Variants in SYT1 observed in about 807,000 individuals in gnomAD.
The protein encoded by SYT1 is synaptotagmin 1, also known as synaptotagmin-1.
SYT1 carries 8 observed loss-of-function variants against 44.8 expected under a neutral mutation model. That is an observed-to-expected ratio of 0.18 (90% confidence interval 0.10 to 0.32). SYT1 has a LOEUF of 0.32. Ranked by LOEUF, SYT1 falls within the 10% of genes least tolerant of loss-of-function variation. The probability of loss-of-function intolerance (pLI) is 1.00; values close to 1 mark genes in which losing one functional copy is unlikely to be tolerated. For synonymous variants in SYT1, 154 were observed against 188.8 expected, an observed-to-expected ratio of 0.82 and a Z score of 1.51; for missense variants, 286 against 509.3, an observed-to-expected ratio of 0.56 and a Z score of 4.22.
intron 3 of SYT1, among the ~76,000 whole-genome samples, chr12:79,155,363 T>A (rs1198168785): frequency 2.6e-5 from 4 of 152,206 alleles, no homozygotes; most frequent in African/African-American, 4.8e-5. Flanking sequence ...AGTTAAAAAT[T>A]CAGATGTTGG....
chr12:79,081,569 G>C (rs1176678608), intron 3 of SYT1, among the ~76,000 whole-genome samples: 1 of 151,776 alleles, frequency 6.6e-6, no homozygotes, highest in South Asian at 2.1e-4. Context: ...TAGTGGAGAC[G>C]GGTTTCATCA....
chr12:78,892,070 A>G lies in SYT1; in HGVS notation c.-217+26961A>G, dbSNP rs1474463661. On this transcript the variant is annotated intron_variant, in intron 1 of 10. Coordinates refer to ENST00000261205, the MANE Select transcript of SYT1 (RefSeq NM_005639.3). ...TCTTAATTCTTATGAATTGAGGGTC[A>G]AGTTATGTCTGGTTTTCCTTCCATA... 2.0e-5 allele frequency among the ~76,000 whole-genome samples: 3 copies of G among 151,890 alleles called. No individual in the cohort carries two copies. In the East Asian group the frequency reaches 5.8e-4, roughly 30 times the overall value.
chr12:78,893,435 C>A (rs992524333), intron 1 of SYT1, among the ~76,000 whole-genome samples: 1 of 151,676 alleles, frequency 6.6e-6, no homozygotes, highest in South Asian at 2.1e-4. Flanking sequence ...AGCCAACTCA[C>A]CTAGCAACAT....
intron 1 of SYT1, among the ~76,000 whole-genome samples, chr12:78,890,183 G>A (rs139259062): frequency 0.022 from 3,401 of 151,894 alleles, 56 homozygotes; most frequent in Non-Finnish European, 0.034. Context: ...TGCCTTGAAA[G>A]CATTTCACTT....
intron 4 of SYT1, among the ~76,000 whole-genome samples, chr12:79,279,870 C>T (rs922060598): frequency 2.0e-5 from 3 of 151,878 alleles, no homozygotes; most frequent in South Asian, 2.1e-4. Flanking sequence ...AGAATCAAAT[C>T]GAGAACTCAA....
At chr12:78,897,188 G>A (rs1030740860) in intron 1 of SYT1, among the ~76,000 whole-genome samples, 4 of 151,724 alleles carry the variant, frequency 2.6e-5, no homozygotes, top group African/African-American at 9.7e-5. Context: ...GTCATAAGTA[G>A]CTTTTATACA....
At chr12:78,943,731 A>T (rs930215313) in intron 1 of SYT1, among the ~76,000 whole-genome samples, 1 of 152,226 alleles carries the variant, frequency 6.6e-6, no homozygotes, top group Non-Finnish European at 1.5e-5. Flanking sequence ...TTTAAGTAAT[A>T]GTGACAAGTC....
chr12:78,939,634 A>G (rs983121236), intron 1 of SYT1, among the ~76,000 whole-genome samples: 3 of 152,176 alleles, frequency 2.0e-5, no homozygotes, highest in African/African-American at 7.2e-5. Flanking sequence ...ACTTCCACAC[A>G]GATACTTGAG....
intron 5 of SYT1, among the ~76,000 whole-genome samples, chr12:79,290,004 C>A (rs1879498824): frequency 6.6e-6 from 1 of 151,694 alleles, no homozygotes; most frequent in South Asian, 2.1e-4. Context: ...TTGTTTCCTG[C>A]CTTTAGCTAT....
chr12:78,947,534 A>AT (rs2137279178), intron 1 of SYT1, among the ~76,000 whole-genome samples: 1 of 151,896 alleles, frequency 6.6e-6, no homozygotes, highest in Admixed American at 6.6e-5. Flanking sequence ...AAAAAAAAAA[A>AT]AAAATTCACT....
At chr12:79,085,463 A>T (rs1192911553) in intron 3 of SYT1, among the ~76,000 whole-genome samples, 1 of 152,130 alleles carries the variant, frequency 6.6e-6, no homozygotes, top group Non-Finnish European at 1.5e-5. Flanking sequence ...TATGTGGTGG[A>T]AAATGCAACT....
intron 1 of SYT1, among the ~76,000 whole-genome samples, chr12:78,970,685 C>T (rs796115452): frequency 1.1e-4 from 16 of 152,024 alleles, no homozygotes; most frequent in Admixed American, 6.6e-5. Context: ...AATCTGCTAC[C>T]ACTAGCCTTT....
chr12:78,946,981 T>C (rs1878694432), intron 1 of SYT1, among the ~76,000 whole-genome samples: 1 of 152,188 alleles, frequency 6.6e-6, no homozygotes. Flanking sequence ...TAGTAAAAAG[T>C]GTATTTTATA....
intron 3 of SYT1, among the ~76,000 whole-genome samples, chr12:79,186,913 T>C (rs1013814987): frequency 6.6e-6 from 1 of 152,064 alleles, no homozygotes; most frequent in East Asian, 1.9e-4. Context: ...TTCCTGGAGA[T>C]GACAAATGTA....
upstream of SYT1, chr12:78,864,531 C>G (rs754853419): frequency 1.3e-5 from 2 of 152,394 alleles, no homozygotes; most frequent in African/African-American, 2.4e-5. Flanking sequence ...CCGCCTCCAC[C>G]CCGCTTCCCA....
intron 9 of SYT1, among the ~76,000 whole-genome samples, chr12:79,361,795 G>A (rs1035622389): frequency 1.4e-4 from 21 of 152,186 alleles, no homozygotes; most frequent in East Asian, 7.7e-4. Flanking sequence ...AGAGGTTGCC[G>A]AACATGGTAG....
chr12:79,141,457 TATTC>T (rs1354240144), intron 3 of SYT1, among the ~76,000 whole-genome samples: 1 of 152,136 alleles, frequency 6.6e-6, no homozygotes, highest in Non-Finnish European at 1.5e-5. Flanking sequence ...TAAAATAAGC[TATTC>T]ATTTTGTTTT....
At chr12:79,411,083 A>C (rs1487053970) in intron 9 of SYT1, among the ~76,000 whole-genome samples, 1 of 152,236 alleles carries the variant, frequency 6.6e-6, no homozygotes, top group African/African-American at 2.4e-5. Context: ...TAAATGACAT[A>C]GAAATTTATT....
intron 1 of SYT1, among the ~76,000 whole-genome samples, chr12:78,869,440 T>C (rs1456056739): frequency 6.6e-6 from 1 of 152,004 alleles, no homozygotes; most frequent in East Asian, 1.9e-4. Context: ...TCAATAAAAT[T>C]AACTTTTGTT....
Sources: gnomAD v4.1 joint callset for allele counts (sites outside exome capture counted in the v4.1 genomes callset) on GRCh38, gnomAD v4.1.1 for gene constraint, MANE v1.5 for transcripts, NCBI Gene and HGNC (gene_info 2026-07-23, HGNC 2026-07-21) for gene names.